WDPCP: variants seen among roughly 807,000 people sequenced by gnomAD.
WDPCP encodes WD repeat-containing and planar cell polarity effector protein fritz homolog.
In WDPCP, 71 loss-of-function variants were observed where a neutral mutation model predicts 93.1. The observed-to-expected ratio is 0.76, with a 90% CI of 0.63 to 0.93. WDPCP has a LOEUF of 0.93. Among genes scored for constraint, WDPCP ranks in the 40% least tolerant of loss-of-function variants. The pLI, the probability that WDPCP is intolerant of heterozygous loss-of-function variation, is 0.00. For missense variants in WDPCP, 844 were observed against 887.4 expected (o/e 0.95, Z 0.62); for synonymous variants, 315 against 315.0 (o/e 1.00, Z 0.00).
At chr2:63,235,768 C>G (rs1273548218) in intron 14 of WDPCP, among the ~76,000 whole-genome samples, 2 of 152,052 alleles carry the variant, frequency 1.3e-5, no homozygotes, top group Non-Finnish European at 2.9e-5. Context: ...TCAAGAGACA[C>G]AGAAAAAGCC....
intron 12 of WDPCP, among the ~76,000 whole-genome samples, chr2:63,368,297 AATTTATTTATTT>A (rs201098167): frequency 3.3e-4 from 48 of 147,146 alleles, no homozygotes; most frequent in African/African-American, 6.7e-4. Context: ...GTTTATTTTT[AATTTATTTATTT>A]ATTTATTTAT....
chr2:63,796,208 A>C (rs1271407357), intron 2 of WDPCP, among the ~76,000 whole-genome samples: 1 of 152,230 alleles, frequency 6.6e-6, no homozygotes, highest in African/African-American at 2.4e-5. Flanking sequence ...CCTTATACTA[A>C]GTACGAAGCT....
At chr2:63,191,577 C>T (rs1675045558) in intron 14 of WDPCP, among the ~76,000 whole-genome samples, 1 of 152,124 alleles carries the variant, frequency 6.6e-6, no homozygotes, top group South Asian at 2.1e-4. Flanking sequence ...TCTCCTTAAT[C>T]AGAATGGCTA....
chr2:63,597,627 T>G (rs12104443), intron 3 of WDPCP: 2 of 1,328,888 alleles, frequency 1.5e-6, no homozygotes, highest in Non-Finnish European at 1.9e-6. Context: ...TTGAAACTTA[T>G]GCTTTTAGCA....
chr2:63,382,619 C>T (rs1692405592), intron 10 of WDPCP, among the ~76,000 whole-genome samples: 1 of 152,030 alleles, frequency 6.6e-6, no homozygotes, highest in Non-Finnish European at 1.5e-5. Flanking sequence ...TTTTAAGCCA[C>T]AAAGTAGTAT....
At chr2:63,416,511 A>G (rs1695436669) in intron 9 of WDPCP, among the ~76,000 whole-genome samples, 2 of 149,834 alleles carry the variant, frequency 1.3e-5, no homozygotes, top group South Asian at 4.2e-4. Context: ...TGACATTAGC[A>G]TTAACACCAA....
chr2:63,686,397 C>A (rs958125583), intron 2 of WDPCP, among the ~76,000 whole-genome samples: 1 of 152,116 alleles, frequency 6.6e-6, no homozygotes, highest in East Asian at 1.9e-4. Flanking sequence ...AGGGAAAGAT[C>A]TCTGCAATGA....
At chr2:63,433,646 T>C (rs1433050850) in intron 9 of WDPCP, 99 bp downstream of exon 9, 1 of 1,224,330 alleles carries the variant, frequency 8.2e-7, no homozygotes, top group Admixed American at 2.5e-5. Flanking sequence ...AAACATAAAT[T>C]ATAGGTAAAA....
At chr2:63,571,591 G>A (rs1427448802) in intron 1 of WDPCP, 1 of 470,866 alleles carries the variant, frequency 2.1e-6, no homozygotes, top group African/African-American at 2.0e-5. Flanking sequence ...AGAGTTGTGG[G>A]TTTTCTGTAT....
At chr2:63,484,729 C>A in intron 5 of WDPCP, 66 bp from the exon 6 acceptor site, 1 of 1,596,822 alleles carries the variant, frequency 6.3e-7, no homozygotes, top group South Asian at 1.1e-5. Flanking sequence ...AGTTAAAGTG[C>A]CTCTGATTTG....
chr2:63,313,816 T>C (rs2103963034), intron 12 of WDPCP, among the ~76,000 whole-genome samples: 1 of 138,388 alleles, frequency 7.2e-6, no homozygotes, highest in Admixed American at 7.5e-5. Context: ...TTTGTCCCCA[T>C]TCCATTGTAA....
chr2:63,316,891 T>C (rs1229397049), intron 12 of WDPCP, among the ~76,000 whole-genome samples: 1 of 152,116 alleles, frequency 6.6e-6, no homozygotes, highest in Non-Finnish European at 1.5e-5. Context: ...TGCATTTCTA[T>C]ACACCAATAA....
intron 15 of WDPCP, among the ~76,000 whole-genome samples, chr2:63,158,505 C>T (rs1054470649): frequency 2.6e-5 from 4 of 152,134 alleles, no homozygotes; most frequent in Non-Finnish European, 5.9e-5. Flanking sequence ...CCTCTGGTAT[C>T]ATTTACCTTA....
At chr2:63,759,190 C>T (rs889853459) in intron 2 of WDPCP, among the ~76,000 whole-genome samples, 1 of 152,074 alleles carries the variant, frequency 6.6e-6, no homozygotes. Flanking sequence ...GCTTTAGGAC[C>T]CCTCACTTGC....
intron 2 of WDPCP, among the ~76,000 whole-genome samples, chr2:63,688,049 C>A (rs1211106422): frequency 6.6e-6 from 1 of 152,148 alleles, no homozygotes; most frequent in Admixed American, 6.5e-5. Context: ...ATGGATGGAA[C>A]TGGAGATCAT....
At chr2:63,565,229 T>G (rs1381575369) in intron 1 of WDPCP, among the ~76,000 whole-genome samples, 1 of 152,226 alleles carries the variant, frequency 6.6e-6, no homozygotes, top group African/African-American at 2.4e-5. Context: ...CTTCAAAGCT[T>G]GCAGGATATT....
At chr2:63,507,619 G>C (rs1575547293) in intron 1 of WDPCP, among the ~76,000 whole-genome samples, 2 of 152,044 alleles carry the variant, frequency 1.3e-5, no homozygotes, top group South Asian at 4.2e-4. Flanking sequence ...CAGAAGGTGG[G>C]TACTAACAAA....
chr2:63,288,109 C>T (rs2104989269), intron 13 of WDPCP, among the ~76,000 whole-genome samples: 1 of 152,258 alleles, frequency 6.6e-6, no homozygotes, highest in South Asian at 2.1e-4. Context: ...CAAGGGAAGG[C>T]ACAGATGGCT....
intron 14 of WDPCP, among the ~76,000 whole-genome samples, chr2:63,227,181 TTATTA>T (rs1424374199): frequency 6.6e-6 from 1 of 151,996 alleles, no homozygotes; most frequent in Admixed American, 6.6e-5. Context: ...ATCTCATATT[TTATTA>T]TAAATATAGC....
Sources: gnomAD v4.1 joint callset for allele counts (sites outside exome capture counted in the v4.1 genomes callset) on GRCh38, gnomAD v4.1.1 for gene constraint, MANE v1.5 for transcripts, NCBI Gene and HGNC (gene_info 2026-07-23, HGNC 2026-07-21) for gene names.